The following MROH2A variants were observed in gnomAD, a reference collection of about 807,000 sequenced individuals.
MROH2A encodes the protein maestro heat-like repeat-containing protein family member 2A.
A neutral mutation model predicts 200.4 loss-of-function variants in MROH2A; 174 were observed. The observed-to-expected ratio is 0.87, with a 90% CI of 0.77 to 0.98. MROH2A has a LOEUF of 0.98. Ranked by LOEUF, MROH2A falls within the 50% of genes least tolerant of loss-of-function variation. The pLI is 0.00. For missense variants in MROH2A, 2,045 were observed against 2,139.6 expected (o/e 0.96, Z 0.87); for synonymous variants, 829 against 840.4 (o/e 0.99, Z 0.23).
intron 35 of MROH2A, among the ~76,000 whole-genome samples, chr2:233,827,855 C>A (rs1300594316): frequency 6.6e-6 from 1 of 151,936 alleles, no homozygotes; most frequent in East Asian, 1.9e-4. Flanking sequence ...GGGCTTTACT[C>A]TTCAGGAATT....
At chr2:233,785,088 G>A (rs1217187041) in intron 3 of MROH2A, among the ~76,000 whole-genome samples, 40 of 152,050 alleles carry the variant, frequency 2.6e-4, no homozygotes, top group Admixed American at 2.6e-3. Flanking sequence ...GGAGGTTGCA[G>A]TGAGCTGAGA....
intron 4 of MROH2A, 109 bp downstream of exon 4, chr2:233,789,737 G>C: frequency 1.4e-6 from 2 of 1,466,676 alleles, no homozygotes; most frequent in Non-Finnish European, 1.8e-6. Flanking sequence ...TCTCAGAGCA[G>C]GGGTAAGGCT....
At chr2:233,813,908 TATCAGTAAATGTAAGGTAA>T (rs1703343222) in intron 25 of MROH2A, 130 bp downstream of exon 25, 2 of 537,676 alleles carry the variant, frequency 3.7e-6, no homozygotes, top group Non-Finnish European at 6.7e-6. Flanking sequence ...TAGCAAGCTC[TATCAGTAAATGTAAGGTAA>T]TGCTAGCTGT....
Position 233,796,028 on chromosome 2 carries a change from A to G in MROH2A, c.1121A>G (p.His374Arg), listed in dbSNP as rs1165073173. The G allele has an allele frequency of 1.3e-6, 2 of 1,550,424 alleles. No homozygotes were observed. Among genetic ancestry groups the G allele is most frequent in the South Asian group, 1.2e-5 (1 of 84,058 alleles). The change falls in exon 10 of 42, where the codon CAC becomes CGC. Residue 374 changes from histidine (H) to arginine (R), a missense_variant. Around this residue, in one of 3 missense-constraint regions of MROH2A, gnomAD observed 831 missense variants for 800.0 expected, o/e 1.04. Coordinates refer to ENST00000389758, the MANE Select transcript of MROH2A (RefSeq NM_001394639.1). Reference protein sequence around the residue: ...YSSQNLMEMVHCFVALARSYP... With the variant: ...YSSQNLMEMVRCFVALARSYP... ...AGCCAGAATCTGATGGAGATGGTGC[A>G]CTGCTTCGTAGCCCTTGGTGAGGCT...
rs1224826517 is a variant in MROH2A, at chr2:233,810,883, T to G, written c.2538T>G (p.Phe846Leu). The G allele has an allele frequency of 6.5e-7, 1 of 1,550,350 alleles. No individual in the cohort carries two copies. Among genetic ancestry groups the G allele is most frequent in the Non-Finnish European group, 8.7e-7 (1 of 1,146,840 alleles). ...TCAAGGACCTGGAGGACTTTCACTTTGCCCAGAAGACGACTCTTACCAGCA... is the reference window on the plus strand; with the variant it reads ...TCAAGGACCTGGAGGACTTTCACTTGGCCCAGAAGACGACTCTTACCAGCA... Reference protein sequence around the residue: ...NNIKDLEDFHFAQKTTLTSII... With the variant: ...NNIKDLEDFHLAQKTTLTSII... The change falls in exon 23 of 42, where the codon TTT becomes TTG. Residue 846 changes from phenylalanine to leucine, a missense_variant. By Grantham distance (22) the Phe-to-Leu change is conservative. Transcript: ENST00000389758.
intron 37 of MROH2A, 76 bp from the exon 38 acceptor site, chr2:233,829,544 A>C: frequency 7.6e-7 from 1 of 1,318,472 alleles, no homozygotes. Context: ...GGCATTGGGT[A>C]TTCCTTGGAG....
rs751306550 is a variant in MROH2A, at chr2:233,822,493, C to T, written c.3803C>T (p.Pro1268Leu). ...AGCCACCGACCAGAGGCCGCCCCGC[C>T]GGTCTTGAAGATGTGGAAGCTGGTC... ...GSSHRPEAAP[P>L]VLKMWKLVHT... The change falls in exon 33 of 42, where the codon CCG becomes CTG. Residue 1268 changes from proline (P) to leucine (L), a missense_variant. Pro to Leu is a moderately conservative substitution (Grantham distance 98). Coordinates refer to ENST00000389758, the MANE Select transcript of MROH2A (RefSeq NM_001394639.1). 141 of 1,550,598 alleles carry T rather than the reference C, an allele frequency of 9.1e-5. No homozygotes were observed. Among genetic ancestry groups the T allele is most frequent in the Non-Finnish European group, 9.2e-5 (106 of 1,147,038 alleles).
intron 3 of MROH2A, among the ~76,000 whole-genome samples, chr2:233,786,593 A>G (rs529053355): frequency 1.3e-5 from 2 of 152,316 alleles, no homozygotes; most frequent in East Asian, 1.9e-4. Context: ...AATCTGTAAC[A>G]GTTGTTTTGT....
intron 22 of MROH2A, 87 bp downstream of exon 22, chr2:233,809,365 C>A: frequency 1.4e-6 from 2 of 1,421,430 alleles, no homozygotes; most frequent in Non-Finnish European, 1.9e-6. Context: ...TCCTGCATCC[C>A]TACCCAGGGG....
In MROH2A at chr2:233,831,461, T is replaced by C; in HGVS notation, c.4655T>C (p.Leu1552Pro). 5.2e-6 allele frequency: 8 copies of C among 1,550,578 alleles called. No homozygotes were observed. The highest frequency in any genetic ancestry group is 7.0e-6 in the Non-Finnish European group (8 of 1,146,972). Reference protein sequence around the residue: ...QCVHFWGWKSLEHPSGPSDTA... With the variant: ...QCVHFWGWKSPEHPSGPSDTA... The stretch of plus-strand genomic sequence containing the variant: ...GTGCACTTCTGGGGCTGGAAGTCCC[T>C]GGAGCATCCCTCAGGGCCAAGTGAT... Residue 1552 changes from leucine to proline, a missense_variant, in exon 39 of 42, where the codon CTG becomes CCG. By Grantham distance (98) the Leu-to-Pro change is moderately conservative. Around this residue, in one of 3 missense-constraint regions of MROH2A, gnomAD observed 1,201 missense variants for 1,311.3 expected, o/e 0.92. Coordinates refer to ENST00000389758, the MANE Select transcript of MROH2A (RefSeq NM_001394639.1).
intron 18 of MROH2A, 32 bp from the exon 19 acceptor site, chr2:233,804,972 G>T: frequency 7.3e-7 from 1 of 1,373,294 alleles, no homozygotes. Flanking sequence ...AAGGCCTTTG[G>T]CCCTTCTCAC....
At chr2:233,797,602 A>T (rs756011259) in intron 11 of MROH2A, among the ~76,000 whole-genome samples, 1 of 152,232 alleles carries the variant, frequency 6.6e-6, no homozygotes, top group Non-Finnish European at 1.5e-5. Flanking sequence ...ATGTTCATTT[A>T]TGCATAAACA....
intron 23 of MROH2A, 98 bp downstream of exon 23, chr2:233,811,014 GCT>G: frequency 7.4e-7 from 1 of 1,352,646 alleles, no homozygotes; most frequent in Admixed American, 2.3e-5. Context: ...CATCTGCAGA[GCT>G]CTCTGAAGTC....
At chr2:233,779,273 G>A in intron 1 of MROH2A, 72 bp from the exon 2 acceptor site, 4 of 903,554 alleles carry the variant, frequency 4.4e-6, no homozygotes, top group Middle Eastern at 2.1e-4. Flanking sequence ...TTATGGAAGG[G>A]TGTGGGTCGT....
chr2:233,803,636 C>T, intron 16 of MROH2A, 148 bp downstream of exon 16: 1 of 834,480 alleles, frequency 1.2e-6, no homozygotes, highest in Non-Finnish European at 1.8e-6. Flanking sequence ...ACAGATCATT[C>T]CATGTCCCTG....
chr2:233,795,838 G>A lies in MROH2A; in HGVS notation c.1059+93G>A, dbSNP rs372761743. 9.3e-4 allele frequency: 1,441 copies of A among 1,546,556 alleles called. 17 individuals are homozygous for A. The African/African-American group carries it at 0.018, about 19-fold the overall frequency. ...AGGTGGCCTGGCCCACAACTCACTC[G>A]CGTGCTTCCTTTATCCTGATGGGGT... On this transcript the variant is annotated intron_variant, in intron 9 of 41. Coordinates refer to ENST00000389758, the MANE Select transcript of MROH2A (RefSeq NM_001394639.1).
chr2:233,800,571 TG>T (rs1316064124), intron 14 of MROH2A, among the ~76,000 whole-genome samples: 1 of 152,208 alleles, frequency 6.6e-6, no homozygotes, highest in Non-Finnish European at 1.5e-5. Context: ...AGTATCAGTC[TG>T]TATCATTTGA....
intron 22 of MROH2A, among the ~76,000 whole-genome samples, chr2:233,810,150 A>C (rs1703062872): frequency 6.6e-6 from 1 of 152,204 alleles, no homozygotes; most frequent in Non-Finnish European, 1.5e-5. Flanking sequence ...GCGGCCCCTG[A>C]GCTGCTTTGC....
At chr2:233,791,236 G>A (rs1039268460) in intron 5 of MROH2A, among the ~76,000 whole-genome samples, 3 of 152,190 alleles carry the variant, frequency 2.0e-5, no homozygotes, top group Non-Finnish European at 2.9e-5. Context: ...TTGTGGGAAG[G>A]CCTTTCTGAC....
Sources: allele counts gnomAD v4.1 joint callset (sites outside exome capture counted in the v4.1 genomes callset), GRCh38; gene constraint gnomAD v4.1.1; regional missense constraint gnomAD v4.1.1; transcripts MANE v1.5; gene names NCBI Gene and HGNC (gene_info 2026-07-23, HGNC 2026-07-21).